AKAP6: variants seen among roughly 807,000 people sequenced by gnomAD.
AKAP6 encodes the protein A-kinase anchoring protein 6.
AKAP6 carries 58 observed loss-of-function variants against 188.5 expected under a neutral mutation model. The ratio of observed to expected loss-of-function variants is 0.31; its 90% CI spans 0.25 to 0.38. AKAP6 has a LOEUF of 0.38. Among genes scored for constraint, AKAP6 ranks in the 10% least tolerant of loss-of-function variants. AKAP6 has a pLI of 1.00. For missense variants in AKAP6, 2,710 were observed against 2,740.0 expected, an observed-to-expected ratio of 0.99 and a Z score of 0.24; for synonymous variants, 989 against 998.6, an observed-to-expected ratio of 0.99 and a Z score of 0.18.
intron 7 of AKAP6, chr14:32,628,101 A>G (rs1298758119): frequency 6.6e-6 from 1 of 152,108 alleles, no homozygotes; most frequent in East Asian, 1.9e-4. Context: ...CAGAAGTGGT[A>G]AGTCAAAGTA....
chr14:32,540,160 C>CTA (rs1313663279), intron 3 of AKAP6, among the ~76,000 whole-genome samples: 50 of 110,576 alleles, frequency 4.5e-4, no homozygotes, highest in Non-Finnish European at 6.4e-4. Context: ...CTCTCTCTCT[C>CTA]TCTCTCTCTA....
intron 7 of AKAP6, among the ~76,000 whole-genome samples, chr14:32,658,716 G>A (rs1004498697): frequency 3.3e-5 from 5 of 150,062 alleles, no homozygotes; most frequent in Admixed American, 2.7e-4. Context: ...TCTTAGGGGT[G>A]CAAAATATCA....
chr14:32,675,620 C>G (rs1889392657), intron 7 of AKAP6, among the ~76,000 whole-genome samples: 1 of 152,176 alleles, frequency 6.6e-6, no homozygotes, highest in Non-Finnish European at 1.5e-5. Flanking sequence ...TTTTTATCAT[C>G]TCATTTGGGA....
intron 7 of AKAP6, among the ~76,000 whole-genome samples, chr14:32,609,298 G>T (rs1428278345): frequency 1.3e-5 from 2 of 152,182 alleles, no homozygotes; most frequent in Non-Finnish European, 2.9e-5. Context: ...TTGGAATTCA[G>T]TTGGAATATA....
intron 7 of AKAP6, among the ~76,000 whole-genome samples, chr14:32,649,123 T>C (rs188491078): frequency 7.2e-4 from 109 of 152,282 alleles, no homozygotes; most frequent in African/African-American, 2.3e-3. Flanking sequence ...TTTAATTCTC[T>C]GTCTTCTCTA....
chr14:32,394,186 C>T (rs1208946293), intron 1 of AKAP6, among the ~76,000 whole-genome samples: 1 of 152,124 alleles, frequency 6.6e-6, no homozygotes, highest in Non-Finnish European at 1.5e-5. Context: ...AGTTCTCTTT[C>T]AGGAGGAGTT....
chr14:32,735,454 A>G (rs1466470147), intron 10 of AKAP6, among the ~76,000 whole-genome samples: 3 of 152,144 alleles, frequency 2.0e-5, no homozygotes, highest in Admixed American at 6.6e-5. Context: ...TTCGAATACT[A>G]AATGGAACAA....
At chr14:32,517,102 G>A (rs1881563230) in intron 2 of AKAP6, among the ~76,000 whole-genome samples, 1 of 152,206 alleles carries the variant, frequency 6.6e-6, no homozygotes, top group African/African-American at 2.4e-5. Flanking sequence ...TATCAAGTAA[G>A]ACGACCAGTT....
intron 1 of AKAP6, among the ~76,000 whole-genome samples, chr14:32,396,563 T>A (rs1206978630): frequency 6.6e-6 from 1 of 152,210 alleles, no homozygotes; most frequent in African/African-American, 2.4e-5. Flanking sequence ...TGCTGCTGTT[T>A]GGGCTAGTGA....
At chr14:32,614,012 G>T (rs565020642) in intron 7 of AKAP6, among the ~76,000 whole-genome samples, 3 of 152,230 alleles carry the variant, frequency 2.0e-5, no homozygotes, top group African/African-American at 7.2e-5. Flanking sequence ...TTCCTAGTGA[G>T]AACTTTTTAA....
chr14:32,439,940 C>G (rs540802248), intron 2 of AKAP6, among the ~76,000 whole-genome samples: 2 of 152,092 alleles, frequency 1.3e-5, no homozygotes, highest in African/African-American at 4.8e-5. Context: ...TTCTTTTCTG[C>G]GAAGAGTAGT....
chr14:32,378,755 A>G (rs180812608), intron 1 of AKAP6, among the ~76,000 whole-genome samples: 214 of 152,298 alleles, frequency 1.4e-3, no homozygotes, highest in Non-Finnish European at 2.9e-3. Context: ...AGCTGGGGAA[A>G]AATAATACTT....
rs1466048702 is a variant in AKAP6, at chr14:32,355,807, C to T, written c.-35+26399C>T. 2.6e-5 allele frequency among the ~76,000 whole-genome samples: 4 copies of T among 151,202 alleles called. No homozygotes were observed. In the South Asian group the frequency reaches 8.3e-4, roughly 32 times the overall value. On this transcript the variant is annotated intron_variant, in intron 1 of 13. Transcript: ENST00000280979. ...TTTTTTTTTTTGAGACAAGTTCTTG[C>T]TCTGTCACCTAGGCTGAAGTCCAGT...
At chr14:32,720,884 A>G (rs1184157781) in intron 9 of AKAP6, among the ~76,000 whole-genome samples, 1 of 152,174 alleles carries the variant, frequency 6.6e-6, no homozygotes, top group Non-Finnish European at 1.5e-5. Flanking sequence ...ATTATGTAGT[A>G]GTGCCAAATT....
At position 32,761,411 on chromosome 14, in the gene AKAP6, G is replaced by A. The variant is rs917417003; in HGVS notation, c.3373-12267G>A. 3.9e-5 allele frequency among the ~76,000 whole-genome samples: 6 copies of A among 152,258 alleles called. No homozygotes were observed. The East Asian group carries it at 1.2e-3, about 29-fold the overall frequency. ...AGTAACAGTCTGAACTTTGTGACGAGTTCTAGGAGTGGCTTGTTAGAAAAT... is the reference window on the plus strand; with the variant it reads ...AGTAACAGTCTGAACTTTGTGACGAATTCTAGGAGTGGCTTGTTAGAAAAT... On this transcript the variant is annotated intron_variant, in intron 11 of 13. Coordinates refer to ENST00000280979, the MANE Select transcript of AKAP6 (RefSeq NM_004274.5).
At chr14:32,415,786 A>G (rs1393144496) in intron 1 of AKAP6, among the ~76,000 whole-genome samples, 1 of 152,126 alleles carries the variant, frequency 6.6e-6, no homozygotes, top group Non-Finnish European at 1.5e-5. Context: ...ATCATATAGT[A>G]TTTATCTTTT....
chr14:32,490,313 A>G (rs1879944677), intron 2 of AKAP6, among the ~76,000 whole-genome samples: 1 of 152,192 alleles, frequency 6.6e-6, no homozygotes, highest in South Asian at 2.1e-4. Flanking sequence ...CTTTTGCTCA[A>G]CATGTTTATG....
chr14:32,360,921 T>A lies in AKAP6; in HGVS notation c.-35+31513T>A, dbSNP rs184058119. Among the ~76,000 whole-genome samples the A allele has an allele frequency of 9.8e-3, 1,486 of 151,638 alleles. 33 individuals carry two copies. The highest frequency in any genetic ancestry group is 0.033 in the African/African-American group (1,362 of 41,334). ...ACCATGCCCAGCTAATTAAAAAAAA[T>A]TTTTTTTGTAGAGATGGGGGTCTCA... On this transcript the variant is annotated intron_variant, in intron 1 of 13. Transcript: ENST00000280979.
intron 7 of AKAP6, among the ~76,000 whole-genome samples, chr14:32,662,315 A>G (rs1353392606): frequency 1.3e-5 from 2 of 152,094 alleles, no homozygotes; most frequent in African/African-American, 2.4e-5. Flanking sequence ...CTGACTCTCA[A>G]GCTGTGAAGT....
Sources: allele counts gnomAD v4.1 joint callset (sites outside exome capture counted in the v4.1 genomes callset), GRCh38; gene constraint gnomAD v4.1.1; transcripts MANE v1.5; gene names NCBI Gene and HGNC (gene_info 2026-07-23, HGNC 2026-07-21).